Variants in GIMAP2 observed in about 807,000 individuals in gnomAD.
GIMAP2 encodes GTPase IMAP family member 2.
GIMAP2 carries 22 observed loss-of-function variants against 25.5 expected under a neutral mutation model. The ratio of observed to expected loss-of-function variants is 0.86; its 90% CI spans 0.62 to 1.23. GIMAP2 has a LOEUF of 1.23. Among genes scored for constraint, GIMAP2 ranks in the 50% most tolerant of loss-of-function variants. The probability of loss-of-function intolerance (pLI) is 0.00; values close to 1 mark genes in which losing one functional copy is unlikely to be tolerated. For missense variants in GIMAP2, 422 were observed against 395.7 expected (o/e 1.07, Z -0.56); for synonymous variants, 167 against 143.0 (o/e 1.17, Z -1.20).
intron 2 of GIMAP2, among the ~76,000 whole-genome samples, chr7:150,689,915 A>T (rs951289262): frequency 7.0e-6 from 1 of 143,426 alleles, no homozygotes; most frequent in Non-Finnish European, 1.5e-5. Flanking sequence ...ATGGGTAAAA[A>T]GGTTGACAAA....
rs35656746 is a variant in GIMAP2 at position 150,687,105 on chromosome 7, C to CGTGTGTGTGTGTGTGTGT, written c.28+51_28+68dup. 105 of 1,269,330 alleles carry CGTGTGTGTGTGTGTGTGT rather than the reference C, an allele frequency of 8.3e-5. No homozygotes were observed. The African/African-American group carries it at 1.6e-3, about 19-fold the overall frequency. The allele number at this position is 1,269,330 out of a possible 1,614,324, so 78.6% of individuals were successfully genotyped here. ...TCACTGGGGTAAGAAGGTGACTTCA[C>CGTGTGTGTGTGTGTGTGT]GTGTGTGTGTGTGTGTGTGTGTGTG... On this transcript the variant is annotated intron_variant, in intron 2 of 2. Transcript: ENST00000223293.
chr7:150,686,704 G>A (rs1796903544), intron 1 of GIMAP2, among the ~76,000 whole-genome samples: 1 of 152,038 alleles, frequency 6.6e-6, no homozygotes, highest in South Asian at 2.1e-4. Flanking sequence ...AGAACTTTGG[G>A]AGGCCGAGGC....
In GIMAP2 at chr7:150,692,758, G is replaced by A. The variant is rs267601409; in HGVS notation, c.472G>A (p.Asp158Asn). ...AGACCTCAATGGTGGCTCCCTGATGGATTACATGCACGACTCAGATAACAA... is the reference window on the plus strand; with the variant it reads ...AGACCTCAATGGTGGCTCCCTGATGAATTACATGCACGACTCAGATAACAA... ...KEDLNGGSLM[D>N]YMHDSDNKAL... Residue 158 changes from aspartate (D) to asparagine (N), a missense_variant, in exon 3 of 3, where the codon GAT becomes AAT. By Grantham distance (23) the Asp-to-Asn change is conservative. Coordinates refer to ENST00000223293, the MANE Select transcript of GIMAP2 (RefSeq NM_015660.3). 2 of 1,614,196 alleles carry A rather than the reference G, an allele frequency of 1.2e-6. No homozygotes were observed. The highest frequency in any genetic ancestry group is 1.3e-5 in the African/African-American group (1 of 75,036).
chr7:150,685,794 A>G lies in GIMAP2; in HGVS notation c.-9+9A>G. ...TTTGAACAGTAAATCAGGTAAGCCC[A>G]GATTTACGAAAAGTTCTGCAGTGTT... On this transcript the variant is annotated intron_variant, in intron 1 of 2. Coordinates refer to ENST00000223293, the MANE Select transcript of GIMAP2 (RefSeq NM_015660.3). 1 of 960,300 alleles carries G rather than the reference A, an allele frequency of 1.0e-6. No homozygotes were observed. Among genetic ancestry groups the G allele is most frequent in the Non-Finnish European group, 1.2e-6 (1 of 806,910 alleles). The allele number at this position is 960,300 out of a possible 1,614,324, so 59.5% of individuals were successfully genotyped here.
intron 2 of GIMAP2, among the ~76,000 whole-genome samples, chr7:150,688,498 T>A (rs1796928443): frequency 6.6e-6 from 1 of 152,174 alleles, no homozygotes; most frequent in Non-Finnish European, 1.5e-5. Flanking sequence ...AGAAGAATAG[T>A]CTATTAAAGT....
In GIMAP2 at chr7:150,687,086, GGGTAAGAA is replaced by G. The variant is rs746256938; in HGVS notation, c.28+3_28+10del. 2 of 1,606,172 alleles carry G rather than the reference GGGTAAGAA, an allele frequency of 1.2e-6. No homozygotes were observed. Among genetic ancestry groups the G allele is most frequent in the South Asian group, 1.1e-5 (1 of 90,850 alleles). On this transcript the variant is annotated splice_donor_variant and splice_donor_5th_base_variant and coding_sequence_variant and intron_variant, in exon 2 of 3. Coordinates refer to ENST00000223293, the MANE Select transcript of GIMAP2 (RefSeq NM_015660.3). LOFTEE classifies it high-confidence loss of function. ...TGGACCAAAATGAACACAGTCACTG[GGGTAAGAA>G]GGTGACTTCACGTGTGTGTGTGTGT...
chr7:150,691,389 C>G (rs1011332497), intron 2 of GIMAP2, among the ~76,000 whole-genome samples: 5 of 152,186 alleles, frequency 3.3e-5, no homozygotes, highest in Non-Finnish European at 1.5e-5. Context: ...ACTCCTCTCC[C>G]CAGAACCTTA....
chr7:150,693,429 A>G lies in GIMAP2; in HGVS notation c.*129A>G, dbSNP rs988356956. On this transcript the variant is annotated 3_prime_UTR_variant, in exon 3 of 3. Coordinates refer to ENST00000223293, the MANE Select transcript of GIMAP2 (RefSeq NM_015660.3). ...ATGTTTAAATCTGAACATCACTCCA[A>G]TTATTAATGAACCAAATCATACGAT... The G allele has an allele frequency of 8.5e-6, 5 of 587,246 alleles. No individual in the cohort carries two copies. Among genetic ancestry groups the G allele is most frequent in the African/African-American group, 5.6e-5 (3 of 53,372 alleles). 36.4% of individuals were successfully genotyped at this position (587,246 alleles called of 1,614,324 possible).
At position 150,692,210 on chromosome 7, in the gene GIMAP2, G is replaced by A. The variant is rs1423656272; in HGVS notation, c.29-105G>A. 5 of 1,109,868 alleles carry A rather than the reference G, an allele frequency of 4.5e-6. No individual in the cohort carries two copies. In the East Asian group the frequency reaches 1.3e-4, roughly 29 times the overall value. The allele number at this position is 1,109,868 out of a possible 1,614,324, so 68.8% of individuals were successfully genotyped here. On this transcript the variant is annotated intron_variant, in intron 2 of 2. Transcript: ENST00000223293. ...ATTGCACTCCAGCCTGGGCGACAGA[G>A]CGAGACTCCGTCTCAAAAAAAAAAG... is the stretch of plus-strand genomic sequence containing the variant.
intron 2 of GIMAP2, chr7:150,689,535 C>T (rs1344756492): frequency 4.3e-6 from 3 of 702,940 alleles, no homozygotes; most frequent in Middle Eastern, 4.6e-4. Context: ...TAAGCAAGCT[C>T]CAGCGCGGTG....
At position 150,692,548 on chromosome 7, in the gene GIMAP2, T is replaced by A. The variant is rs1290244890; in HGVS notation, c.262T>A (p.Cys88Ser). The A allele has an allele frequency of 1.2e-6, 2 of 1,614,078 alleles. No homozygotes were observed. The highest frequency in any genetic ancestry group is 1.7e-6 in the Non-Finnish European group (2 of 1,180,042). ...TPDMFSWKDHCEALYKEVQRC... is the reference protein window; with the variant it reads ...TPDMFSWKDHSEALYKEVQRC... The stretch of plus-strand genomic sequence containing the variant: ...AGATATGTTTTCTTGGAAGGACCAC[T>A]GTGAAGCTCTGTACAAAGAGGTGCA... The change falls in exon 3 of 3, where the codon TGT becomes AGT. Residue 88 changes from cysteine to serine, a missense_variant. Cys to Ser is a moderately radical substitution (Grantham distance 112). Coordinates refer to ENST00000223293, the MANE Select transcript of GIMAP2 (RefSeq NM_015660.3).
At chr7:150,686,663 G>A (rs1796903111) in intron 1 of GIMAP2, among the ~76,000 whole-genome samples, 1 of 152,072 alleles carries the variant, frequency 6.6e-6, no homozygotes, top group Non-Finnish European at 1.5e-5. Context: ...AAGGATCTTG[G>A]CCTAGTGTGA....
chr7:150,692,001 G>A (rs1053331223), intron 2 of GIMAP2, among the ~76,000 whole-genome samples: 1 of 152,016 alleles, frequency 6.6e-6, no homozygotes, highest in African/African-American at 2.4e-5. Context: ...AGGCCGAGGC[G>A]GGCGGATCAC....
chr7:150,693,023 A>G lies in GIMAP2; in HGVS notation c.737A>G (p.Tyr246Cys), dbSNP rs1287851977. The G allele has an allele frequency of 6.2e-7, 1 of 1,614,216 alleles. No individual in the cohort carries two copies. Among genetic ancestry groups the G allele is most frequent in the Admixed American group, 1.7e-5 (1 of 60,034 alleles). Residue 246 changes from tyrosine (Y) to cysteine (C), a missense_variant, in exon 3 of 3, where the codon TAC becomes TGC. Tyr to Cys is a radical substitution (Grantham distance 194). Transcript: ENST00000223293. ...VKEFKQSLIK[Y>C]METQRSYTAL... ...GAATTCAAACAGAGCCTTATAAAGT[A>G]CATGGAAACTCAAAGAAGTTACACA... is the stretch of plus-strand genomic sequence containing the variant.
In GIMAP2 at chr7:150,693,103, G is replaced by T; in HGVS notation, c.817G>T (p.Val273Phe). Reference sequence around the variant, plus strand: ...AGCCTTAATCAAAACACAACTGTGTGTTTTATTTTGTATTCAGTTGTTTCT... The same window carrying T: ...AGCCTTAATCAAAACACAACTGTGTTTTTTATTTTGTATTCAGTTGTTTCT... The part of the protein sequence containing the change: ...KGALIKTQLC[V>F]LFCIQLFLRL... Residue 273 changes from valine to phenylalanine, a missense_variant, in exon 3 of 3, where the codon GTT (valine) becomes TTT (phenylalanine). By Grantham distance (50) the Val-to-Phe change is conservative. Coordinates refer to ENST00000223293, the MANE Select transcript of GIMAP2 (RefSeq NM_015660.3). 6.2e-7 allele frequency: 1 copy of T among 1,613,404 alleles called. No homozygotes were observed.
intron 2 of GIMAP2, 116 bp from the exon 3 acceptor site, chr7:150,692,199 T>A: frequency 1.0e-6 from 1 of 992,988 alleles, no homozygotes; most frequent in Non-Finnish European, 1.4e-6. Context: ...CACTCCAGCC[T>A]GGGCGACAGA....
chr7:150,691,477 A>T (rs915979656), intron 2 of GIMAP2, among the ~76,000 whole-genome samples: 4 of 152,238 alleles, frequency 2.6e-5, no homozygotes, highest in Admixed American at 2.6e-4. Context: ...AAATTATGCC[A>T]TGCTTTCTAA....
chr7:150,690,005 T>C (rs1474651354), intron 2 of GIMAP2, among the ~76,000 whole-genome samples: 1 of 152,236 alleles, frequency 6.6e-6, no homozygotes, highest in African/African-American at 2.4e-5. Flanking sequence ...GAGTAAAATG[T>C]CTCTAACATT....
intron 2 of GIMAP2, among the ~76,000 whole-genome samples, chr7:150,688,446 T>C (rs1195015535): frequency 6.6e-6 from 1 of 152,192 alleles, no homozygotes; most frequent in Non-Finnish European, 1.5e-5. Context: ...CTTGATTTAT[T>C]GATGCCATCT....
Sources: gnomAD v4.1 joint callset for allele counts (sites outside exome capture counted in the v4.1 genomes callset) on GRCh38, gnomAD v4.1.1 for gene constraint, MANE v1.5 for transcripts, NCBI Gene and HGNC (gene_info 2026-07-23, HGNC 2026-07-21) for gene names.